REXO2: variants seen among roughly 807,000 people sequenced by gnomAD.
REXO2 encodes RNA exonuclease 2.
A neutral mutation model predicts 30.9 loss-of-function variants in REXO2; 17 were observed. The observed-to-expected ratio is 0.55, with a 90% confidence interval of 0.38 to 0.82. REXO2 has a LOEUF of 0.82. Among genes scored for constraint, REXO2 ranks in the 40% least tolerant of loss-of-function variants. The probability of loss-of-function intolerance (pLI) is 0.00; values close to 1 mark genes in which losing one functional copy is unlikely to be tolerated. For missense variants in REXO2, 253 were observed against 293.2 expected, an observed-to-expected ratio of 0.86 and a Z score of 1.00; for synonymous variants, 105 against 99.6, an observed-to-expected ratio of 1.05 and a Z score of -0.32.
chr11:114,447,921 A>T, intron 6 of REXO2, 42 bp downstream of exon 6: 1 of 1,488,276 alleles, frequency 6.7e-7, no homozygotes, highest in Non-Finnish European at 9.3e-7. Flanking sequence ...TCTGACACAC[A>T]CTTAACTCCC....
chr11:114,448,498 G>A (rs1354819773), intron 6 of REXO2, among the ~76,000 whole-genome samples: 1 of 152,132 alleles, frequency 6.6e-6, no homozygotes, highest in Admixed American at 6.5e-5. Flanking sequence ...GGCAAATAGA[G>A]AAAGACCAAT....
chr11:114,446,088 G>T lies in REXO2; in HGVS notation c.530+1G>T. 6.8e-7 allele frequency: 1 copy of T among 1,473,626 alleles called. No individual in the cohort carries two copies. The highest frequency in any genetic ancestry group is 9.4e-7 in the Non-Finnish European group (1 of 1,066,892). The allele number at this position is 1,473,626 out of a possible 1,614,324, so 91.3% of individuals were successfully genotyped here. ...TGAGCACTGTTAAAGAACTGTGCAG[G>T]TAAGGGCTATATTTAGGATCCATTA... On this transcript the variant is annotated splice_donor_variant, in intron 5 of 6. Coordinates refer to ENST00000265881, the MANE Select transcript of REXO2 (RefSeq NM_015523.4). LOFTEE classifies it high-confidence loss of function.
chr11:114,447,865 G>A lies in REXO2; in HGVS notation c.570G>A (p.Lys190=), dbSNP rs779804378. The A allele has an allele frequency of 6.2e-7, 1 of 1,613,760 alleles. No homozygotes were observed. The highest frequency in any genetic ancestry group is 1.1e-5 in the South Asian group (1 of 91,036). Residue 190 remains lysine (K), a synonymous_variant, in exon 6 of 7, where the codon AAG becomes AAA. Transcript: ENST00000265881. ...YPEEYEFAPK[K]AASHRALDDI... is the part of the protein sequence containing the mutation. ...AAGAATATGAATTTGCACCAAAGAA[G>A]GCTGCTTCTCATAGGTAAGTTTGAG...
intron 2 of REXO2, among the ~76,000 whole-genome samples, 192 bp from the exon 3 acceptor site, chr11:114,443,664 G>T (rs1946494504): frequency 6.6e-6 from 1 of 152,126 alleles, no homozygotes; most frequent in South Asian, 2.1e-4. Context: ...GTTTTCAGTG[G>T]TGTGTGTATG....
At chr11:114,439,813 GCAGGGCAAGT>G in intron 1 of REXO2, 138 bp downstream of exon 1, 1 of 1,060,872 alleles carries the variant, frequency 9.4e-7, no homozygotes, top group South Asian at 1.7e-5. Flanking sequence ...CACGGGCGGT[GCAGGGCAAGT>G]CCGGAGGCAG....
At chr11:114,444,779 T>A in intron 4 of REXO2, 127 bp downstream of exon 4, 1 of 472,076 alleles carries the variant, frequency 2.1e-6, no homozygotes. Flanking sequence ...TTACACATCT[T>A]AACTTTTCTG....
At chr11:114,440,046 G>C (rs1375488417) in intron 1 of REXO2, 2 of 481,754 alleles carry the variant, frequency 4.2e-6, no homozygotes, top group Admixed American at 5.0e-5. Flanking sequence ...AAGGACCCTA[G>C]GTTGTTAGGG....
intron 6 of REXO2, among the ~76,000 whole-genome samples, chr11:114,448,115 A>G (rs771925057): frequency 4.6e-5 from 7 of 152,206 alleles, no homozygotes; most frequent in Non-Finnish European, 1.0e-4. Flanking sequence ...AGCTTGGTTT[A>G]TAGGAATGAT....
At chr11:114,447,912 C>G in intron 6 of REXO2, 33 bp downstream of exon 6, 1 of 1,556,828 alleles carries the variant, frequency 6.4e-7, no homozygotes, top group South Asian at 1.1e-5. Context: ...GTTTTCCAGT[C>G]TGACACACAC....
chr11:114,441,734 T>C (rs1430240750), intron 2 of REXO2: 10 of 702,176 alleles, frequency 1.4e-5, no homozygotes, highest in Non-Finnish European at 2.1e-5. Flanking sequence ...TTTGTTTGTT[T>C]TGCTGTGTAG....
rs1248165121 is a variant in REXO2 at position 114,447,807 on chromosome 11, C to G, written c.531-19C>G. The G allele has an allele frequency of 1.9e-6, 3 of 1,603,788 alleles. No homozygotes were observed. The highest frequency in any genetic ancestry group is 2.6e-6 in the Non-Finnish European group (3 of 1,175,622). ...TTTGAGACAGCTTCCTTTGAGAGTT[C>G]CATTTCTGCTGTGTATAGACGCTGG... On this transcript the variant is annotated intron_variant, in intron 5 of 6. Transcript: ENST00000265881.
At chr11:114,449,158 G>A (rs1468572691) in intron 6 of REXO2, 1 of 152,242 alleles carries the variant, frequency 6.6e-6, no homozygotes, top group African/African-American at 2.4e-5. Flanking sequence ...AGAAAAGAAA[G>A]GCTCTTAGAT....
chr11:114,444,236 G>C (rs768616300), intron 3 of REXO2: 16 of 611,824 alleles, frequency 2.6e-5, no homozygotes, highest in South Asian at 1.8e-4. Context: ...TTTCAGAGAA[G>C]GGGGATTGCT....
At chr11:114,441,916 TTC>T in intron 2 of REXO2, 1 of 597,256 alleles carries the variant, frequency 1.7e-6, no homozygotes, top group East Asian at 2.8e-5. Context: ...GGTTGTTTTT[TTC>T]TGTTACTTGG....
Position 114,449,916 on chromosome 11 carries a change from A to G in REXO2, c.655A>G (p.Ile219Val). ...CCGAAATAACATCTTCAAGAAAAAA[A>G]TAGATGAAAAGAAGAGGAAAATTAT... ...FYRNNIFKKK[I>V]DEKKRKIIEN... is the part of the protein sequence containing the mutation. The change falls in exon 7 of 7, where the codon ATA becomes GTA. Residue 219 changes from isoleucine (I) to valine (V), a missense_variant. By Grantham distance (29) the Ile-to-Val change is conservative (BLOSUM62 3). Coordinates refer to ENST00000265881, the MANE Select transcript of REXO2 (RefSeq NM_015523.4). 1.2e-6 allele frequency: 2 copies of G among 1,609,922 alleles called. No individual in the cohort carries two copies. The highest frequency in any genetic ancestry group is 1.1e-5 in the South Asian group (1 of 90,256).
Position 114,446,605 on chromosome 11 carries a change from A to T in REXO2, c.530+518A>T, listed in dbSNP as rs184990189. Among the ~76,000 whole-genome samples, 95 of 152,348 alleles carry T rather than the reference A, an allele frequency of 6.2e-4. No individual in the cohort carries two copies. In the Middle Eastern group the frequency reaches 0.014, roughly 22 times the overall value. ...TAGCTTTGAAATTGAGATGTGAAGA[A>T]GAGTGGAAGTCTTGCAGGCATTTTA... On this transcript the variant is annotated intron_variant, in intron 5 of 6. Coordinates refer to ENST00000265881, the MANE Select transcript of REXO2 (RefSeq NM_015523.4).
intron 5 of REXO2, among the ~76,000 whole-genome samples, chr11:114,447,442 GAGA>G (rs1316890572): frequency 3.3e-5 from 5 of 151,736 alleles, no homozygotes; most frequent in African/African-American, 7.3e-5. Flanking sequence ...AAATAAAAAG[GAGA>G]AGAAGAAGAG....
intron 2 of REXO2, chr11:114,440,955 A>G: frequency 4.8e-6 from 2 of 418,894 alleles, no homozygotes; most frequent in Non-Finnish European, 8.4e-6. Context: ...TTAATTAACC[A>G]TGCCAGAAAT....
At chr11:114,449,019 G>A (rs1946528137) in intron 6 of REXO2, 1 of 152,252 alleles carries the variant, frequency 6.6e-6, no homozygotes, top group South Asian at 2.1e-4. Context: ...ACTAAAATTT[G>A]TGCAGGGAAT....
Sources: allele counts gnomAD v4.1 joint callset (sites outside exome capture counted in the v4.1 genomes callset), GRCh38; gene constraint gnomAD v4.1.1; transcripts MANE v1.5; gene names NCBI Gene and HGNC (gene_info 2026-07-23, HGNC 2026-07-21).